DPP6: variants seen among roughly 807,000 people sequenced by gnomAD.
The protein encoded by DPP6 is dipeptidyl peptidase like 6, also known as A-type potassium channel modulatory protein DPP6.
Under a neutral mutation model 122.6 loss-of-function variants are expected in DPP6, and 69 were observed. The ratio of observed to expected loss-of-function variants is 0.56; its 90% CI spans 0.46 to 0.69. The LOEUF is 0.69. Ranked by LOEUF, DPP6 falls within the 30% of genes least tolerant of loss-of-function variation. The pLI is 0.00. For missense variants in DPP6, 928 were observed against 1,116.9 expected (o/e 0.83, Z 2.41); for synonymous variants, 418 against 433.1 (o/e 0.97, Z 0.43).
At chr7:154,270,910 GCC>G (rs1803744271) in intron 1 of DPP6, among the ~76,000 whole-genome samples, 1 of 152,044 alleles carries the variant, frequency 6.6e-6, no homozygotes, top group East Asian at 1.9e-4. Context: ...CTACAACACT[GCC>G]CCAGTCCGTG....
intron 1 of DPP6, among the ~76,000 whole-genome samples, chr7:153,956,341 G>A (rs1802461500): frequency 1.3e-5 from 2 of 152,076 alleles, no homozygotes; most frequent in South Asian, 2.1e-4. Context: ...ACAGTAGTGC[G>A]GTTTGAGGAA....
intron 1 of DPP6, among the ~76,000 whole-genome samples, chr7:154,106,033 C>T (rs1444104266): frequency 6.6e-6 from 1 of 151,984 alleles, no homozygotes; most frequent in Admixed American, 6.5e-5. Flanking sequence ...CCTGAATACA[C>T]TGTGCTCCCA....
intron 5 of DPP6, among the ~76,000 whole-genome samples, chr7:154,595,506 AG>A (rs1833042085): frequency 6.6e-6 from 1 of 152,186 alleles, no homozygotes; most frequent in Non-Finnish European, 1.5e-5. Flanking sequence ...CATCAATGTG[AG>A]TCTTCACACT....
At chr7:154,886,930 C>G (rs1216794958) in intron 22 of DPP6, among the ~76,000 whole-genome samples, 1 of 152,276 alleles carries the variant, frequency 6.6e-6, no homozygotes, top group African/African-American at 2.4e-5. Context: ...AAATGTGAAT[C>G]ATGTAAGAGG....
intron 7 of DPP6, among the ~76,000 whole-genome samples, chr7:154,722,894 G>T (rs1034838348): frequency 2.0e-5 from 3 of 152,124 alleles, no homozygotes; most frequent in Admixed American, 6.5e-5. Context: ...CCTCTTGGGG[G>T]TTAGCATCGC....
intron 1 of DPP6, among the ~76,000 whole-genome samples, chr7:153,889,208 T>C (rs1799082708): frequency 6.6e-6 from 1 of 152,190 alleles, no homozygotes; most frequent in Non-Finnish European, 1.5e-5. Flanking sequence ...CCTCGGTCCG[T>C]GGGTTCTCTG....
At chr7:154,688,591 C>T (rs1174457607) in intron 7 of DPP6, among the ~76,000 whole-genome samples, 2 of 152,156 alleles carry the variant, frequency 1.3e-5, no homozygotes, top group Non-Finnish European at 2.9e-5. Context: ...AGCTGAGGGG[C>T]AAGCAGAGCC....
intron 1 of DPP6, among the ~76,000 whole-genome samples, chr7:154,379,916 C>T (rs934548359): frequency 4.6e-5 from 7 of 152,006 alleles, no homozygotes; most frequent in African/African-American, 1.7e-4. Flanking sequence ...CAATTACTGC[C>T]CAAAATGTTT....
intron 1 of DPP6, among the ~76,000 whole-genome samples, chr7:154,001,860 A>G (rs1315994436): frequency 6.6e-6 from 1 of 152,118 alleles, no homozygotes; most frequent in Non-Finnish European, 1.5e-5. Flanking sequence ...GAAAACAGAT[A>G]CTGACGATTG....
At chr7:154,380,869 C>T (rs1813535291) in intron 1 of DPP6, among the ~76,000 whole-genome samples, 2 of 152,092 alleles carry the variant, frequency 1.3e-5, no homozygotes, top group Non-Finnish European at 2.9e-5. Context: ...CCTGTGTTTG[C>T]CAGGAATGCA....
intron 1 of DPP6, among the ~76,000 whole-genome samples, chr7:154,242,246 C>T (rs1425910601): frequency 6.6e-6 from 1 of 152,168 alleles, no homozygotes; most frequent in East Asian, 1.9e-4. Flanking sequence ...GGTCTGTTGA[C>T]TTCACTCAGG....
intron 1 of DPP6, among the ~76,000 whole-genome samples, chr7:154,431,935 G>A (rs1818464582): frequency 1.3e-5 from 2 of 152,102 alleles, no homozygotes; most frequent in South Asian, 4.1e-4. Flanking sequence ...TCAGCTCCTG[G>A]TAGCCCTGGG....
chr7:154,425,332 A>C (rs867750812), intron 1 of DPP6, among the ~76,000 whole-genome samples: 76 of 152,346 alleles, frequency 5.0e-4, no homozygotes, highest in African/African-American at 1.7e-3. Flanking sequence ...TTGAACCAGT[A>C]AAATTAGCTG....
In DPP6 at chr7:153,899,226, C is replaced by CCTCCTCCTTCTCCTCCTCCTT. The variant is rs1160120324; in HGVS notation, c.51+11494_51+11495insCCTCCTTCTCCTCCTCCTTCT. ...TCCTCCTCCTCCTTCTCCTCCTCCT[C>CCTCCTCCTTCTCCTCCTCCTT]CTTTGATTATCTTAAGCCAGATGTG... On this transcript the variant is annotated intron_variant, in intron 1 of 25. Coordinates refer to the DPP6 transcript ENST00000404039. 4.7e-3 allele frequency among the ~76,000 whole-genome samples: 709 copies of CCTCCTCCTTCTCCTCCTCCTT among 151,102 alleles called. 46 individuals are homozygous for CCTCCTCCTTCTCCTCCTCCTT. Among genetic ancestry groups the CCTCCTCCTTCTCCTCCTCCTT allele is most frequent in the Non-Finnish European group, 4.5e-3 (306 of 67,724 alleles).
chr7:154,416,565 G>A lies in DPP6; in HGVS notation c.244-29649G>A, dbSNP rs139194082. ...CTCTTACTGTGCCTCACTTATAAAT[G>A]ACACTGTATCATAGCTATGTATGTA... On this transcript the variant is annotated intron_variant, in intron 1 of 25. Coordinates refer to ENST00000377770, the MANE Select transcript of DPP6 (RefSeq NM_130797.4). Among the ~76,000 whole-genome samples, 505 of 152,124 alleles carry A rather than the reference G, an allele frequency of 3.3e-3. 12 individuals carry two copies. Among genetic ancestry groups the A allele is most frequent in the Admixed American group, 0.025 (387 of 15,278 alleles).
At chr7:154,368,205 A>G (rs910473750) in intron 1 of DPP6, among the ~76,000 whole-genome samples, 1 of 152,210 alleles carries the variant, frequency 6.6e-6, no homozygotes, top group African/African-American at 2.4e-5. Flanking sequence ...ACAAACATGA[A>G]GTCAGCCGAC....
rs150585661 is a variant in DPP6, at chr7:154,489,680, T to G, written c.457+14643T>G. On this transcript the variant is annotated intron_variant, in intron 3 of 25. Coordinates refer to ENST00000377770, the MANE Select transcript of DPP6 (RefSeq NM_130797.4). ...TCTGTTCTCTCTCAAGACCCCTTAT[T>G]CATTCCCCCTCTTCTCTGAATATTT... 2.4e-3 allele frequency among the ~76,000 whole-genome samples: 363 copies of G among 152,170 alleles called. 1 individual carries two copies. Among genetic ancestry groups the G allele is most frequent in the African/African-American group, 7.9e-3 (329 of 41,528 alleles).
chr7:153,843,495 G>A, the DPP6 span, among the ~76,000 whole-genome samples: 1 of 133,662 alleles, frequency 7.5e-6, no homozygotes, highest in Admixed American at 7.0e-5. Flanking sequence ...ACACAAGATA[G>A]TGAAAACTGG....
At chr7:154,774,280 A>G (rs977099230) in intron 10 of DPP6, among the ~76,000 whole-genome samples, 1 of 146,890 alleles carries the variant, frequency 6.8e-6, no homozygotes, top group Non-Finnish European at 1.5e-5. Flanking sequence ...GCTGAGATTT[A>G]AAAAAAAAAG....
Sources: gnomAD v4.1 joint callset for allele counts (sites outside exome capture counted in the v4.1 genomes callset) on GRCh38, gnomAD v4.1.1 for gene constraint, MANE v1.5 for transcripts, NCBI Gene and HGNC (gene_info 2026-07-23, HGNC 2026-07-21) for gene names.